ADAMTS19: variants seen among roughly 807,000 people sequenced by gnomAD.
ADAMTS19 encodes the protein A disintegrin and metalloproteinase with thrombospondin motifs 19.
A neutral mutation model predicts 153.3 loss-of-function variants in ADAMTS19; 93 were observed. The observed-to-expected ratio is 0.61, with a 90% CI of 0.51 to 0.72. The LOEUF is 0.72. Among genes scored for constraint, ADAMTS19 ranks in the 30% least tolerant of loss-of-function variants. The probability of loss-of-function intolerance (pLI) is 0.00; values close to 1 mark genes in which losing one functional copy is unlikely to be tolerated. For missense variants in ADAMTS19, 1,482 were observed against 1,552.1 expected (o/e 0.95, Z 0.76); for synonymous variants, 600 against 556.6 (o/e 1.08, Z -1.10).
intron 16 of ADAMTS19, among the ~76,000 whole-genome samples, chr5:129,670,964 G>T (rs1754275979): frequency 2.6e-5 from 4 of 152,164 alleles, no homozygotes; most frequent in South Asian, 2.1e-4. Context: ...TTAGGCCTAA[G>T]TGAGCAGGGT....
chr5:129,574,165 A>C (rs530227155), intron 7 of ADAMTS19, among the ~76,000 whole-genome samples: 1 of 152,286 alleles, frequency 6.6e-6, no homozygotes, highest in South Asian at 2.1e-4. Flanking sequence ...ATCATATTTT[A>C]GACCAGCCAA....
intron 18 of ADAMTS19, among the ~76,000 whole-genome samples, chr5:129,693,275 C>A (rs1190029259): frequency 1.3e-5 from 2 of 152,196 alleles, no homozygotes; most frequent in Non-Finnish European, 2.9e-5. Flanking sequence ...ATTATTCAAA[C>A]TGCCTCTCTG....
chr5:129,601,380 G>T (rs1420464500), intron 8 of ADAMTS19, among the ~76,000 whole-genome samples: 1 of 151,774 alleles, frequency 6.6e-6, no homozygotes, highest in African/African-American at 2.4e-5. Context: ...TATTTATTAT[G>T]TCCACTATAT....
intron 7 of ADAMTS19, among the ~76,000 whole-genome samples, chr5:129,566,537 T>G (rs1172062199): frequency 6.6e-6 from 1 of 152,096 alleles, no homozygotes; most frequent in Non-Finnish European, 1.5e-5. Context: ...AAACCAGCAG[T>G]GAGTTTATAA....
intron 6 of ADAMTS19, among the ~76,000 whole-genome samples, chr5:129,548,151 C>G (rs1752930833): frequency 6.6e-6 from 1 of 150,406 alleles, no homozygotes; most frequent in African/African-American, 2.5e-5. Flanking sequence ...AAAGCAATGG[C>G]AACAAAAGCC....
chr5:129,504,391 A>T (rs1416302501), intron 2 of ADAMTS19, among the ~76,000 whole-genome samples: 1 of 151,940 alleles, frequency 6.6e-6, no homozygotes, highest in Non-Finnish European at 1.5e-5. Context: ...AATTACAAAT[A>T]CATACATCAC....
At chr5:129,612,702 T>C (rs1362199315) in intron 8 of ADAMTS19, among the ~76,000 whole-genome samples, 1 of 152,134 alleles carries the variant, frequency 6.6e-6, no homozygotes, top group Non-Finnish European at 1.5e-5. Flanking sequence ...TAACCTTTAA[T>C]GTAAATGGGC....
intron 21 of ADAMTS19, among the ~76,000 whole-genome samples, chr5:129,734,722 T>C (rs1436563119): frequency 7.2e-5 from 11 of 151,972 alleles, no homozygotes; most frequent in Admixed American, 7.2e-4. Context: ...TACCCAAAAC[T>C]CTGTCTCAGA....
chr5:129,469,750 T>C (rs536573859), intron 2 of ADAMTS19, among the ~76,000 whole-genome samples: 1 of 152,316 alleles, frequency 6.6e-6, no homozygotes, highest in African/African-American at 2.4e-5. Flanking sequence ...TTGTCTCAAC[T>C]TTTTATCCTT....
intron 20 of ADAMTS19, among the ~76,000 whole-genome samples, chr5:129,702,971 T>TATATATATATATATATATATAC (rs1389589629): frequency 9.6e-4 from 124 of 129,672 alleles, no homozygotes; most frequent in Non-Finnish European, 1.6e-3. Context: ...TATATATATA[T>TATATATATATATATATATATAC]ACAAATACAT....
chr5:129,589,482 T>A (rs933833282), intron 7 of ADAMTS19, among the ~76,000 whole-genome samples: 9 of 152,092 alleles, frequency 5.9e-5, no homozygotes, highest in African/African-American at 1.9e-4. Context: ...ACTGTATACA[T>A]CATACATTTG....
intron 19 of ADAMTS19, among the ~76,000 whole-genome samples, chr5:129,695,753 T>C (rs1159887534): frequency 6.6e-6 from 1 of 152,138 alleles, no homozygotes; most frequent in African/African-American, 2.4e-5. Context: ...CCTCTGAATA[T>C]TGGGACAGGA....
At chr5:129,636,141 C>T (rs577276646) in intron 10 of ADAMTS19, among the ~76,000 whole-genome samples, 1 of 152,320 alleles carries the variant, frequency 6.6e-6, no homozygotes, top group South Asian at 2.1e-4. Context: ...AGGTGATCCA[C>T]CTGCCCTGGC....
intron 10 of ADAMTS19, among the ~76,000 whole-genome samples, chr5:129,622,991 G>A (rs901538997): frequency 6.6e-6 from 1 of 151,798 alleles, no homozygotes; most frequent in African/African-American, 2.4e-5. Context: ...TTTCTTATAT[G>A]GAAATGGGTA....
intron 6 of ADAMTS19, among the ~76,000 whole-genome samples, chr5:129,539,029 C>T (rs1324701182): frequency 1.3e-5 from 2 of 152,076 alleles, no homozygotes; most frequent in Non-Finnish European, 2.9e-5. Flanking sequence ...ATGCTATACA[C>T]AGTTTTCTCT....
chr5:129,568,527 C>A (rs972268294), intron 7 of ADAMTS19, among the ~76,000 whole-genome samples: 3 of 151,998 alleles, frequency 2.0e-5, no homozygotes, highest in Non-Finnish European at 4.4e-5. Context: ...AAATTAAAAA[C>A]ACAATAAATA....
intron 7 of ADAMTS19, among the ~76,000 whole-genome samples, chr5:129,595,328 C>A (rs1750322523): frequency 1.3e-5 from 2 of 152,250 alleles, no homozygotes; most frequent in Middle Eastern, 3.4e-3. Context: ...GTTCTCTTCT[C>A]ATCAAAAATC....
chr5:129,622,700 TC>T (rs1485418195), intron 10 of ADAMTS19, among the ~76,000 whole-genome samples: 1 of 152,112 alleles, frequency 6.6e-6, no homozygotes, highest in Admixed American at 6.6e-5. Context: ...CACATCCTGT[TC>T]CCTGAGCAGA....
chr5:129,600,587 G>A (rs941660710), intron 8 of ADAMTS19, among the ~76,000 whole-genome samples: 1 of 151,802 alleles, frequency 6.6e-6, no homozygotes, highest in Non-Finnish European at 1.5e-5. Flanking sequence ...AAATCAATAC[G>A]GTCCACTAAG....
Sources: gnomAD v4.1 joint callset for allele counts (sites outside exome capture counted in the v4.1 genomes callset) on GRCh38, gnomAD v4.1.1 for gene constraint, MANE v1.5 for transcripts, NCBI Gene and HGNC (gene_info 2026-07-23, HGNC 2026-07-21) for gene names.